Variants in BRI3 observed in about 807,000 individuals in gnomAD.
BRI3 encodes brain protein I3.
A neutral mutation model predicts 12.8 loss-of-function variants in BRI3; 6 were observed. The observed-to-expected ratio is 0.47, with a 90% CI of 0.26 to 0.93. The LOEUF (loss-of-function observed/expected upper bound fraction) is 0.93. Ranked by LOEUF, BRI3 falls within the 40% of genes least tolerant of loss-of-function variation. The probability of loss-of-function intolerance (pLI) is 0.15; values close to 1 mark genes in which losing one functional copy is unlikely to be tolerated. For missense variants in BRI3, 134 were observed against 171.1 expected (o/e 0.78, Z 1.21); for synonymous variants, 91 against 76.1 (o/e 1.20, Z -1.02).
At chr7:98,292,663 C>T, downstream of BRI3, 1 of 1,551,686 alleles carries the variant, frequency 6.4e-7, no homozygotes, top group Non-Finnish European at 8.7e-7. Flanking sequence ...CCTGGCTTTA[C>T]ACGTATCCTT....
chr7:98,288,460 C>T (rs560657619), intron 2 of BRI3, among the ~76,000 whole-genome samples: 5 of 152,008 alleles, frequency 3.3e-5, no homozygotes, highest in Non-Finnish European at 5.9e-5. Context: ...GGTGGCCTGA[C>T]GACCTTCTGG....
At chr7:98,308,490 G>C (rs914777147) in exon 2 of BRI3, 7 of 363,738 alleles carry the variant, frequency 1.9e-5, no homozygotes, top group African/African-American at 1.1e-4. Context: ...CCAGGAGGAA[G>C]GTGCTGCTAT....
downstream of BRI3, chr7:98,293,480 G>C (rs1331817363): frequency 6.3e-7 from 1 of 1,578,210 alleles, no homozygotes; most frequent in African/African-American, 1.3e-5. Flanking sequence ...CATTCCGCAA[G>C]GGAGAACCGG....
chr7:98,312,790 C>T (rs957181619), downstream of BRI3, among the ~76,000 whole-genome samples: 1 of 152,130 alleles, frequency 6.6e-6, no homozygotes, highest in Admixed American at 6.5e-5. Flanking sequence ...TGAGGGACGC[C>T]CCCACCACAG....
chr7:98,297,322 C>T (rs1036489338), downstream of BRI3, among the ~76,000 whole-genome samples: 3 of 152,222 alleles, frequency 2.0e-5, no homozygotes, highest in East Asian at 1.9e-4. Flanking sequence ...CATAGCCATG[C>T]GCCCAGGTTG....
downstream of BRI3, among the ~76,000 whole-genome samples, chr7:98,296,553 G>A (rs1472204565): frequency 2.0e-5 from 3 of 152,214 alleles, no homozygotes; most frequent in African/African-American, 7.2e-5. Context: ...TGAACAGGGA[G>A]GCAGAGGTTG....
At chr7:98,301,561 C>A (rs1800424255), upstream of BRI3, among the ~76,000 whole-genome samples, 1 of 151,720 alleles carries the variant, frequency 6.6e-6, no homozygotes, top group African/African-American at 2.4e-5. Flanking sequence ...TCGTGATCCG[C>A]CCACTTCGGA....
chr7:98,293,325 TACTC>T (rs1309707266), downstream of BRI3: 3 of 538,810 alleles, frequency 5.6e-6, no homozygotes, highest in South Asian at 2.5e-5. Context: ...ATTAGACTAT[TACTC>T]ATTTATCTTA....
At chr7:98,286,267 C>T (rs1440194421) in intron 2 of BRI3, among the ~76,000 whole-genome samples, 2 of 152,240 alleles carry the variant, frequency 1.3e-5, no homozygotes, top group African/African-American at 2.4e-5. Flanking sequence ...TGCCAGCCCC[C>T]TCTGTCCTTG....
At chr7:98,284,743 C>A in intron 2 of BRI3, among the ~76,000 whole-genome samples, 1 of 152,230 alleles carries the variant, frequency 6.6e-6, no homozygotes. Context: ...CAGGCCTTCG[C>A]TGAAGCTGCC....
At chr7:98,290,592 G>A (rs1799894920) in intron 2 of BRI3, among the ~76,000 whole-genome samples, 1 of 152,034 alleles carries the variant, frequency 6.6e-6, no homozygotes, top group African/African-American at 2.4e-5. Context: ...TCTGCCTCCT[G>A]GATTCAAGCG....
intron 2 of BRI3, among the ~76,000 whole-genome samples, chr7:98,283,839 C>T (rs1242240381): frequency 6.6e-6 from 1 of 152,178 alleles, no homozygotes; most frequent in Non-Finnish European, 1.5e-5. Context: ...TCTGCCCAAA[C>T]CCCTGAACTT....
chr7:98,306,604 G>A, exon 1 of BRI3: 1 of 1,590,208 alleles, frequency 6.3e-7, no homozygotes, highest in Middle Eastern at 1.7e-4. Flanking sequence ...GCTCAGGGCA[G>A]ACAGGTCCAC....
chr7:98,322,352 G>A, the BRI3 span, among the ~76,000 whole-genome samples: 6 of 152,082 alleles, frequency 3.9e-5, no homozygotes, highest in Non-Finnish European at 7.4e-5. Context: ...CCACGCAGAC[G>A]TCCCATTGGG....
At chr7:98,307,992 CT>C (rs1288629247) in exon 2 of BRI3, 1 of 1,195,036 alleles carries the variant, frequency 8.4e-7, no homozygotes, top group African/African-American at 1.5e-5. Flanking sequence ...CTGTTCTCAT[CT>C]TGCCAACAAT....
downstream of BRI3, among the ~76,000 whole-genome samples, chr7:98,314,111 G>A (rs1479018103): frequency 1.3e-5 from 2 of 149,872 alleles, no homozygotes; most frequent in Non-Finnish European, 3.0e-5. Flanking sequence ...TCAGCCTCCT[G>A]AGTAGCTGGG....
At chr7:98,304,447 C>T, upstream of BRI3, 1 of 1,512,786 alleles carries the variant, frequency 6.6e-7, no homozygotes, top group South Asian at 1.2e-5. Context: ...TCCTCTGTGT[C>T]CCTGACCAAG....
chr7:98,304,086 A>T (rs1175128738), upstream of BRI3: 31 of 1,175,426 alleles, frequency 2.6e-5, no homozygotes, highest in Non-Finnish European at 3.3e-5. Flanking sequence ...CGGGGACACC[A>T]CTCTCCCCCT....
downstream of BRI3, chr7:98,312,409 T>C (rs906729410): frequency 1.9e-5 from 16 of 840,340 alleles, no homozygotes; most frequent in Non-Finnish European, 2.7e-5. Context: ...GTGAGCACTT[T>C]AAGCACCTAG....
Sources: gnomAD v4.1 joint callset for allele counts (sites outside exome capture counted in the v4.1 genomes callset) on GRCh38, gnomAD v4.1.1 for gene constraint, MANE v1.5 for transcripts, NCBI Gene and HGNC (gene_info 2026-07-23, HGNC 2026-07-21) for gene names.